The following NBEA variants were observed in gnomAD, a reference collection of about 807,000 sequenced individuals.
The protein encoded by NBEA is neurobeachin.
NBEA carries 44 observed loss-of-function variants against 343.4 expected under a neutral mutation model. The observed-to-expected ratio is 0.13, with a 90% CI of 0.10 to 0.16. The LOEUF (loss-of-function observed/expected upper bound fraction) is 0.16, where lower values mean the gene tolerates loss of function less well. Among genes scored for constraint, NBEA ranks in the 10% least tolerant of loss-of-function variants. The pLI is 1.00. For synonymous variants in NBEA, 1,175 were observed against 1,238.7 expected (o/e 0.95, Z 1.08); for missense variants, 2,555 against 3,631.3 (o/e 0.70, Z 7.62).
intron 10 of NBEA, among the ~76,000 whole-genome samples, chr13:35,091,088 A>G (rs989381459): frequency 1.3e-5 from 2 of 152,068 alleles, no homozygotes; most frequent in African/African-American, 4.8e-5. Flanking sequence ...CCCAGCCCTC[A>G]TGTGGTCTTA....
chr13:35,451,553 T>C (rs1403945064), intron 39 of NBEA, among the ~76,000 whole-genome samples: 1 of 152,248 alleles, frequency 6.6e-6, no homozygotes, highest in Non-Finnish European at 1.5e-5. Flanking sequence ...AACTCCGCCT[T>C]TCTGTAACTT....
chr13:35,083,814 G>T (rs1318247167), intron 10 of NBEA, among the ~76,000 whole-genome samples: 1 of 151,532 alleles, frequency 6.6e-6, no homozygotes, highest in African/African-American at 2.4e-5. Context: ...CCATCAGTGT[G>T]CTGTATTCAG....
intron 9 of NBEA, 51 bp downstream of exon 9, chr13:35,070,156 T>C (rs2152573987): frequency 7.2e-7 from 1 of 1,392,120 alleles, no homozygotes; most frequent in Non-Finnish European, 9.5e-7. Context: ...TTTGACAGTA[T>C]CTTTATTTTA....
chr13:35,601,895 A>G (rs577962797), intron 47 of NBEA, among the ~76,000 whole-genome samples: 2 of 152,194 alleles, frequency 1.3e-5, no homozygotes, highest in East Asian at 3.9e-4. Flanking sequence ...CCTTACTACC[A>G]ATTTGCAGTG....
At chr13:35,393,210 G>A (rs9544239) in intron 38 of NBEA, among the ~76,000 whole-genome samples, 15,154 of 152,098 alleles carry the variant, frequency 0.1, 1,032 homozygotes, top group Middle Eastern at 0.3. Flanking sequence ...TTAACTTGGA[G>A]CAGTAATGGA....
intron 36 of NBEA, among the ~76,000 whole-genome samples, chr13:35,338,554 C>T (rs2039400643): frequency 6.6e-6 from 1 of 152,042 alleles, no homozygotes; most frequent in Admixed American, 6.6e-5. Context: ...GAATCAACAG[C>T]AGTCCTTCTC....
intron 1 of NBEA, among the ~76,000 whole-genome samples, chr13:35,039,195 C>G (rs186670260): frequency 6.6e-6 from 1 of 152,230 alleles, no homozygotes; most frequent in East Asian, 1.9e-4. Context: ...CCTTCACCAG[C>G]ACCCAGAGAT....
chr13:35,192,938 T>C (rs567376346), intron 30 of NBEA, among the ~76,000 whole-genome samples: 103 of 152,060 alleles, frequency 6.8e-4, no homozygotes, highest in African/African-American at 2.4e-3. Context: ...TAATGGAAAG[T>C]CAAAACACTA....
chr13:35,441,052 C>T (rs1374879731), intron 39 of NBEA, among the ~76,000 whole-genome samples: 7 of 152,158 alleles, frequency 4.6e-5, no homozygotes, highest in African/African-American at 1.7e-4. Context: ...TCTGTATCAG[C>T]ACCATCACTT....
At chr13:35,318,952 C>T (rs1313474638) in intron 36 of NBEA, among the ~76,000 whole-genome samples, 2 of 152,120 alleles carry the variant, frequency 1.3e-5, no homozygotes, top group Admixed American at 6.5e-5. Context: ...GTGATATCCT[C>T]TTTATCATTT....
chr13:35,487,729 C>T (rs2076352588), intron 41 of NBEA, among the ~76,000 whole-genome samples: 1 of 151,970 alleles, frequency 6.6e-6, no homozygotes, highest in Non-Finnish European at 1.5e-5. Flanking sequence ...CCTACTTTCC[C>T]TTCTGAATAG....
At chr13:35,452,799 G>A (rs1206541013) in intron 40 of NBEA, among the ~76,000 whole-genome samples, 1 of 152,160 alleles carries the variant, frequency 6.6e-6, no homozygotes, top group African/African-American at 2.4e-5. Flanking sequence ...GTGAGCAGAT[G>A]GGGTATAGAT....
intron 34 of NBEA, among the ~76,000 whole-genome samples, chr13:35,265,301 G>A (rs1354604588): frequency 6.6e-6 from 1 of 151,704 alleles, no homozygotes; most frequent in Non-Finnish European, 1.5e-5. Context: ...TACACAAAGT[G>A]ATCTATAAAT....
chr13:35,311,591 C>T (rs1484818006), intron 36 of NBEA, among the ~76,000 whole-genome samples: 2 of 152,126 alleles, frequency 1.3e-5, no homozygotes, highest in Admixed American at 6.6e-5. Flanking sequence ...CAGTGGCTCA[C>T]GCCTGTAATC....
At chr13:35,384,684 C>A (rs1392372959) in intron 38 of NBEA, among the ~76,000 whole-genome samples, 4 of 151,888 alleles carry the variant, frequency 2.6e-5, no homozygotes, top group Non-Finnish European at 5.9e-5. Context: ...TGCCATCATG[C>A]CGGGCTAATT....
intron 17 of NBEA, among the ~76,000 whole-genome samples, chr13:35,124,889 G>T (rs1424272403): frequency 6.6e-6 from 1 of 151,892 alleles, no homozygotes; most frequent in Non-Finnish European, 1.5e-5. Flanking sequence ...GAGTGAAGAA[G>T]CATATGCCCT....
intron 34 of NBEA, among the ~76,000 whole-genome samples, chr13:35,280,915 T>G (rs1295776863): frequency 2.0e-5 from 3 of 152,088 alleles, no homozygotes; most frequent in African/African-American, 7.2e-5. Flanking sequence ...TACTTTTAGT[T>G]TATAATAGGT....
At chr13:35,320,595 G>C (rs1008985264) in intron 36 of NBEA, among the ~76,000 whole-genome samples, 21 of 152,124 alleles carry the variant, frequency 1.4e-4, no homozygotes, top group African/African-American at 4.3e-4. Flanking sequence ...TTCTCGAGGA[G>C]TATCTTTGTG....
At chr13:34,999,386 A>T (rs2061046720) in intron 1 of NBEA, among the ~76,000 whole-genome samples, 1 of 151,662 alleles carries the variant, frequency 6.6e-6, no homozygotes, top group African/African-American at 2.4e-5. Context: ...CTCCCCCAAT[A>T]CTCTCTTTAC....
Sources: allele counts gnomAD v4.1 joint callset (sites outside exome capture counted in the v4.1 genomes callset), GRCh38; gene constraint gnomAD v4.1.1; transcripts MANE v1.5; gene names NCBI Gene and HGNC (gene_info 2026-07-23, HGNC 2026-07-21).